The following DLG2 variants were observed in gnomAD, a reference collection of about 807,000 sequenced individuals.
DLG2 encodes the protein discs large MAGUK scaffold protein 2.
A neutral mutation model predicts 132.5 loss-of-function variants in DLG2; 45 were observed. The observed-to-expected ratio is 0.34, with a 90% CI of 0.27 to 0.44. The LOEUF is 0.44. DLG2 is among the 20% of genes least tolerant of loss of function. The pLI is 1.00. For synonymous variants in DLG2, 424 were observed against 419.6 expected (o/e 1.01, Z -0.13); for missense variants, 1,045 against 1,196.9 (o/e 0.87, Z 1.87).
intron 7 of DLG2, among the ~76,000 whole-genome samples, chr11:84,490,426 C>T (rs1477576896): frequency 6.6e-6 from 1 of 152,060 alleles, no homozygotes; most frequent in Non-Finnish European, 1.5e-5. Flanking sequence ...AAGGTCTGGA[C>T]AGCTGGCAGG....
chr11:84,937,101 G>A (rs548595744), intron 6 of DLG2, among the ~76,000 whole-genome samples: 5 of 152,196 alleles, frequency 3.3e-5, no homozygotes, highest in South Asian at 4.1e-4. Context: ...GCAGTGAGCC[G>A]AGATCATGCC....
intron 4 of DLG2, among the ~76,000 whole-genome samples, chr11:85,166,953 T>A (rs1316252977): frequency 6.6e-6 from 1 of 152,128 alleles, no homozygotes; most frequent in Non-Finnish European, 1.5e-5. Flanking sequence ...AAAATCTAGA[T>A]CTCTTTTGTA....
intron 7 of DLG2, among the ~76,000 whole-genome samples, chr11:84,426,053 TACC>T (rs2098965457): frequency 6.6e-6 from 1 of 152,142 alleles, no homozygotes; most frequent in Non-Finnish European, 1.5e-5. Context: ...AGATTATCAA[TACC>T]ACCACTCAAA....
chr11:85,353,397 A>G (rs192992340), intron 3 of DLG2, among the ~76,000 whole-genome samples: 294 of 152,336 alleles, frequency 1.9e-3, no homozygotes, highest in Admixed American at 3.3e-3. Context: ...GTGGGAGTGT[A>G]AACTAGTTCA....
chr11:84,847,284 G>A lies in DLG2; in HGVS notation c.357+264377C>T, dbSNP rs148556706. 6.7e-4 allele frequency among the ~76,000 whole-genome samples: 102 copies of A among 152,306 alleles called. 1 individual carries two copies. The South Asian group carries it at 0.011, about 16-fold the overall frequency. On this transcript the variant is annotated intron_variant, in intron 6 of 27. Transcript: ENST00000376104. ...GAAAAGTGGGGGAGCACTGCTATCA[G>A]AGGCTAGAGAAAAGGTTGTTTGCAT... is the stretch of plus-strand genomic sequence containing the variant.
chr11:83,901,262 G>A (rs1185280545), intron 15 of DLG2, among the ~76,000 whole-genome samples: 2 of 152,160 alleles, frequency 1.3e-5, no homozygotes, highest in Non-Finnish European at 2.9e-5. Flanking sequence ...ATACTGAAAT[G>A]AGTTAAGAAT....
intron 21 of DLG2, among the ~76,000 whole-genome samples, chr11:83,513,970 C>T (rs1195352390): frequency 6.6e-6 from 1 of 152,170 alleles, no homozygotes; most frequent in Non-Finnish European, 1.5e-5. Flanking sequence ...CGTGATACCT[C>T]CAGCTTTGTT....
At chr11:84,805,816 A>G (rs1371284361) in intron 6 of DLG2, among the ~76,000 whole-genome samples, 1 of 152,210 alleles carries the variant, frequency 6.6e-6, no homozygotes, top group Non-Finnish European at 1.5e-5. Context: ...TAAATAAATT[A>G]CCAAGTCTCA....
In DLG2 at chr11:85,211,207, G is replaced by A. The variant is rs556389851; in HGVS notation, c.187-56556C>T. On this transcript the variant is annotated intron_variant, in intron 4 of 27. Transcript: ENST00000376104. ...CTGCTACATATTATTTCATTTATTT[G>A]TGAAAGAAAATAATGAGTGTCTAGT... Among the ~76,000 whole-genome samples the A allele has an allele frequency of 3.9e-5, 6 of 152,118 alleles. No individual in the cohort carries two copies. The East Asian group carries it at 1.2e-3, about 29-fold the overall frequency.
At chr11:85,135,279 A>T (rs1437428230) in intron 5 of DLG2, among the ~76,000 whole-genome samples, 1 of 152,240 alleles carries the variant, frequency 6.6e-6, no homozygotes, top group Admixed American at 6.5e-5. Flanking sequence ...ACTTCCTAAA[A>T]GCCTAGTAAC....
Position 83,519,462 on chromosome 11 carries a change from GT to G in DLG2, c.2193+13245del, listed in dbSNP as rs545892890. Among the ~76,000 whole-genome samples, 17 of 152,150 alleles carry G rather than the reference GT, an allele frequency of 1.1e-4. No individual in the cohort carries two copies. In the East Asian group the frequency reaches 3.1e-3, roughly 28 times the overall value. On this transcript the variant is annotated intron_variant, in intron 21 of 27. Coordinates refer to ENST00000376104, the MANE Select transcript of DLG2 (RefSeq NM_001142699.3). The stretch of plus-strand genomic sequence containing the variant: ...ATAAGGTATTTGCCCCTAATTTTGT[GT>G]TTTTTATGTATTTAGGTAACATCAT...
chr11:83,542,531 CT>C (rs2096107524), intron 19 of DLG2, among the ~76,000 whole-genome samples: 2 of 152,154 alleles, frequency 1.3e-5, no homozygotes, highest in South Asian at 4.1e-4. Flanking sequence ...AATATTTGTG[CT>C]TCCATACGAT....
chr11:84,873,729 G>A (rs934535106), intron 6 of DLG2, among the ~76,000 whole-genome samples: 16 of 152,268 alleles, frequency 1.1e-4, no homozygotes, highest in South Asian at 6.2e-4. Flanking sequence ...TTCAAAAACC[G>A]TGTTGAGGTT....
At chr11:85,572,359 C>G (rs758936823) in intron 3 of DLG2, among the ~76,000 whole-genome samples, 2 of 152,098 alleles carry the variant, frequency 1.3e-5, no homozygotes, top group Non-Finnish European at 2.9e-5. Flanking sequence ...GAGCCCACAA[C>G]AAGACCTTGC....
chr11:83,965,476 G>T lies in DLG2; in HGVS notation c.1057-8C>A, dbSNP rs1277678929. On this transcript the variant is annotated splice_polypyrimidine_tract_variant and splice_region_variant and intron_variant, in intron 12 of 27. Transcript: ENST00000376104. ...TAAACTGTAGTTGTTTACCTGAAAG[G>T]GTGAAAAAGATCAATATTAGAGTTA... The T allele has an allele frequency of 6.3e-7, 1 of 1,594,654 alleles. No homozygotes were observed. Among genetic ancestry groups the T allele is most frequent in the Non-Finnish European group, 8.5e-7 (1 of 1,170,906 alleles).
At chr11:83,716,504 T>A (rs531301587) in intron 18 of DLG2, among the ~76,000 whole-genome samples, 9 of 152,370 alleles carry the variant, frequency 5.9e-5, no homozygotes, top group Admixed American at 3.3e-4. Flanking sequence ...TTGCTTTAGA[T>A]GCACTGTGTT....
intron 6 of DLG2, among the ~76,000 whole-genome samples, chr11:85,010,547 A>G (rs2059065510): frequency 6.6e-6 from 1 of 152,136 alleles, no homozygotes; most frequent in African/African-American, 2.4e-5. Context: ...GGGTAAAGAT[A>G]GCTCTAAACT....
At chr11:85,024,287 G>T (rs553562157) in intron 6 of DLG2, among the ~76,000 whole-genome samples, 2 of 152,280 alleles carry the variant, frequency 1.3e-5, no homozygotes, top group East Asian at 3.9e-4. Flanking sequence ...CTAGTTACAG[G>T]ATGGGAAATG....
chr11:85,007,359 T>C (rs886319700), intron 6 of DLG2, among the ~76,000 whole-genome samples: 6 of 152,000 alleles, frequency 3.9e-5, no homozygotes, highest in African/African-American at 1.4e-4. Context: ...AAAAGTTTTA[T>C]GGATCAGAGT....
Sources: allele counts gnomAD v4.1 joint callset (sites outside exome capture counted in the v4.1 genomes callset), GRCh38; gene constraint gnomAD v4.1.1; transcripts MANE v1.5; gene names NCBI Gene and HGNC (gene_info 2026-07-23, HGNC 2026-07-21).